Variants in MBD5 observed in about 807,000 individuals in gnomAD.
The protein encoded by MBD5 is methyl-CpG-binding domain protein 5.
Under a neutral mutation model 117.3 loss-of-function variants are expected in MBD5, and 13 were observed. That is an observed-to-expected ratio of 0.11 (90% confidence interval 0.07 to 0.18). The LOEUF (loss-of-function observed/expected upper bound fraction) is 0.18. MBD5 is among the 10% of genes least tolerant of loss of function. The pLI is 1.00. For synonymous variants in MBD5, 727 were observed against 766.4 expected, an observed-to-expected ratio of 0.95 and a Z score of 0.85; for missense variants, 1,879 against 2,093.8, an observed-to-expected ratio of 0.90 and a Z score of 2.00.
At chr2:148,456,001 A>G (rs1222605629) in intron 4 of MBD5, among the ~76,000 whole-genome samples, 1 of 152,160 alleles carries the variant, frequency 6.6e-6, no homozygotes, top group Non-Finnish European at 1.5e-5. Flanking sequence ...CCATGAGGCC[A>G]CAAACTCCTT....
At chr2:148,276,808 A>G (rs1309466764) in intron 3 of MBD5, among the ~76,000 whole-genome samples, 4 of 152,078 alleles carry the variant, frequency 2.6e-5, no homozygotes, top group Non-Finnish European at 5.9e-5. Context: ...GACTCCTTAG[A>G]ATGTGCCTCT....
intron 1 of MBD5, among the ~76,000 whole-genome samples, chr2:148,050,874 T>G (rs1694681220): frequency 6.6e-6 from 1 of 152,152 alleles, no homozygotes. Flanking sequence ...TTCTTGATTT[T>G]TCTAAGATTG....
intron 3 of MBD5, among the ~76,000 whole-genome samples, chr2:148,324,054 T>A (rs1414449129): frequency 6.6e-6 from 1 of 152,214 alleles, no homozygotes; most frequent in Non-Finnish European, 1.5e-5. Context: ...TACAGCTTTT[T>A]ACATATGGCT....
intron 3 of MBD5, among the ~76,000 whole-genome samples, chr2:148,294,466 C>T (rs192099413): frequency 0.013 from 1,824 of 143,968 alleles, 47 homozygotes; most frequent in African/African-American, 0.045. Context: ...CCTCGTGATC[C>T]GCCTGCCTCG....
chr2:148,345,064 C>T (rs1484909157), intron 4 of MBD5, among the ~76,000 whole-genome samples: 1 of 151,574 alleles, frequency 6.6e-6, no homozygotes, highest in Non-Finnish European at 1.5e-5. Flanking sequence ...CTTATTTAAC[C>T]ATGGAATGCA....
In MBD5 at chr2:148,468,769, C is replaced by T. The variant is rs376756158; in HGVS notation, c.826C>T (p.Pro276Ser). 45 of 1,613,808 alleles carry T rather than the reference C, an allele frequency of 2.8e-5. No individual in the cohort carries two copies. In the African/African-American group the frequency reaches 4.7e-4, roughly 17 times the overall value. The change falls in exon 8 of 14, where the codon CCT becomes TCT. Residue 276 changes from proline to serine, a missense_variant. This residue lies in a region of MBD5 where 1,666 missense variants were observed against 1,792.2 expected (regional missense o/e 0.93). Coordinates refer to ENST00000642680, the MANE Select transcript of MBD5 (RefSeq NM_001378120.1). ...CCTGAATAGGACTCCTCTTTCTCCA[C>T]CTTCAGTAATGCTACATGGTTCTCC... ...IHLNRTPLSPPSVMLHGSPVQ... is the reference protein window; with the variant it reads ...IHLNRTPLSPSSVMLHGSPVQ...
At chr2:148,044,426 A>G (rs956681192) in intron 1 of MBD5, 4 of 152,154 alleles carry the variant, frequency 2.6e-5, no homozygotes, top group African/African-American at 9.6e-5. Context: ...TATTCCTGTG[A>G]CTTTTTTAAA....
chr2:148,452,006 G>A (rs985203647), intron 4 of MBD5, among the ~76,000 whole-genome samples: 3 of 152,060 alleles, frequency 2.0e-5, no homozygotes, highest in Non-Finnish European at 4.4e-5. Context: ...ATCATTGTGT[G>A]ATGTCATTAT....
At chr2:148,460,302 C>T (rs964031287) in intron 5 of MBD5, 1 of 152,046 alleles carries the variant, frequency 6.6e-6, no homozygotes, top group African/African-American at 2.4e-5. Flanking sequence ...AAGAAACTGT[C>T]AGGTATCTTG....
intron 1 of MBD5, chr2:148,027,862 G>C (rs1693942567): frequency 6.6e-6 from 1 of 152,010 alleles, no homozygotes; most frequent in Non-Finnish European, 1.5e-5. Context: ...CAAATGTTTT[G>C]TTGCTTATAA....
chr2:148,239,019 T>TATACAC (rs1553488125), intron 3 of MBD5, among the ~76,000 whole-genome samples: 33 of 149,810 alleles, frequency 2.2e-4, no homozygotes, highest in African/African-American at 6.9e-4. Context: ...ATATATTATA[T>TATACAC]ACACACACAC....
chr2:148,342,983 A>T (rs1245928289), intron 4 of MBD5, among the ~76,000 whole-genome samples: 1 of 151,826 alleles, frequency 6.6e-6, no homozygotes, highest in Non-Finnish European at 1.5e-5. Context: ...TATGGCCATG[A>T]GTACCTGATG....
chr2:148,476,677 T>A (rs1305569112), intron 8 of MBD5, among the ~76,000 whole-genome samples: 1 of 152,204 alleles, frequency 6.6e-6, no homozygotes, highest in South Asian at 2.1e-4. Context: ...ATCTCAATAA[T>A]GTTTCAGAAT....
intron 1 of MBD5, among the ~76,000 whole-genome samples, chr2:148,105,439 G>C (rs902440532): frequency 3.3e-5 from 5 of 151,870 alleles, no homozygotes; most frequent in African/African-American, 1.2e-4. Flanking sequence ...GGTTGGTCTC[G>C]AACTCCTGAC....
intron 8 of MBD5, chr2:148,481,907 A>G (rs935152491): frequency 6.6e-6 from 1 of 152,220 alleles, no homozygotes; most frequent in African/African-American, 2.4e-5. Context: ...CAGATATTAA[A>G]TTCCCAGAAT....
chr2:148,215,051 T>G (rs1242745752), intron 2 of MBD5, among the ~76,000 whole-genome samples: 2 of 152,204 alleles, frequency 1.3e-5, no homozygotes, highest in Admixed American at 6.5e-5. Context: ...CACTTAAAAC[T>G]AGATATAGGT....
chr2:148,104,000 T>C (rs1367061559), intron 1 of MBD5, among the ~76,000 whole-genome samples: 2 of 152,134 alleles, frequency 1.3e-5, no homozygotes, highest in Non-Finnish European at 2.9e-5. Context: ...TTTGCAGCAT[T>C]AACCTGAGTA....
intron 1 of MBD5, among the ~76,000 whole-genome samples, chr2:148,125,057 T>C (rs1324461397): frequency 6.6e-6 from 1 of 151,824 alleles, no homozygotes; most frequent in Non-Finnish European, 1.5e-5. Context: ...TAAGATTTAA[T>C]TATATCTAAA....
At chr2:148,094,913 A>G (rs528752656) in intron 1 of MBD5, among the ~76,000 whole-genome samples, 100 of 152,290 alleles carry the variant, frequency 6.6e-4, no homozygotes, top group African/African-American at 2.3e-3. Flanking sequence ...GCTGCACAAC[A>G]GGATTTAAAC....
Sources: gnomAD v4.1 joint callset for allele counts (sites outside exome capture counted in the v4.1 genomes callset) on GRCh38, gnomAD v4.1.1 for gene constraint, gnomAD v4.1.1 regional missense constraint, MANE v1.5 for transcripts, NCBI Gene and HGNC (gene_info 2026-07-23, HGNC 2026-07-21) for gene names.